The following PTPRZ1 variants were observed in gnomAD, a reference collection of about 807,000 sequenced individuals.
PTPRZ1 encodes protein tyrosine phosphatase receptor type Z1.
PTPRZ1 carries 82 observed loss-of-function variants against 214.1 expected under a neutral mutation model. The observed-to-expected ratio is 0.38, with a 90% CI of 0.32 to 0.46. The LOEUF is 0.46. Among genes scored for constraint, PTPRZ1 ranks in the 20% least tolerant of loss-of-function variants. The probability of loss-of-function intolerance (pLI) is 1.00; values close to 1 mark genes in which losing one functional copy is unlikely to be tolerated. For synonymous variants in PTPRZ1, 945 were observed against 987.9 expected (o/e 0.96, Z 0.81); for missense variants, 2,603 against 2,748.7 (o/e 0.95, Z 1.19).
In PTPRZ1 at chr7:121,919,361, T is replaced by C. The variant is rs143155301; in HGVS notation, c.59-8795T>C. Among the ~76,000 whole-genome samples the C allele has an allele frequency of 1.3e-3, 195 of 152,236 alleles. 7 individuals are homozygous for C. The East Asian group carries it at 0.032, about 25-fold the overall frequency. ...CTTCTGTGCTCATATTTTGCCCTTA[T>C]TGATTTGTGATAATTTTGTATGTGT... is the stretch of plus-strand genomic sequence containing the variant. On this transcript the variant is annotated intron_variant, in intron 1 of 29. Transcript: ENST00000393386.
intron 1 of PTPRZ1, among the ~76,000 whole-genome samples, chr7:121,913,913 A>G (rs1210383652): frequency 1.3e-5 from 2 of 152,174 alleles, no homozygotes; most frequent in Non-Finnish European, 1.5e-5. Context: ...AATTCCCGGG[A>G]AAAAAACTGG....
intron 1 of PTPRZ1, among the ~76,000 whole-genome samples, chr7:121,887,514 T>C (rs1794432714): frequency 6.6e-6 from 1 of 152,124 alleles, no homozygotes; most frequent in Non-Finnish European, 1.5e-5. Context: ...CACATTCTCA[T>C]TTTAACAGGT....
chr7:121,914,214 C>A (rs985769608), intron 1 of PTPRZ1, among the ~76,000 whole-genome samples: 24 of 152,074 alleles, frequency 1.6e-4, no homozygotes, highest in Admixed American at 4.6e-4. Flanking sequence ...GGTTGCTACA[C>A]CTCTGTGAAA....
chr7:122,020,608 T>C (rs1798986527), intron 13 of PTPRZ1, among the ~76,000 whole-genome samples: 1 of 152,186 alleles, frequency 6.6e-6, no homozygotes, highest in Non-Finnish European at 1.5e-5. Flanking sequence ...AATAGTTGCA[T>C]GTAGTTGGAC....
At chr7:121,949,605 T>C (rs989917399) in intron 2 of PTPRZ1, among the ~76,000 whole-genome samples, 3 of 152,158 alleles carry the variant, frequency 2.0e-5, no homozygotes, top group Non-Finnish European at 2.9e-5. Context: ...AGGAGCAGTT[T>C]TGACTGTATC....
At chr7:121,983,446 T>C (rs779329779) in intron 6 of PTPRZ1, among the ~76,000 whole-genome samples, 3 of 152,240 alleles carry the variant, frequency 2.0e-5, no homozygotes, top group Non-Finnish European at 4.4e-5. Context: ...GTTCACCATC[T>C]TGATGTAAAG....
chr7:121,973,480 T>C (rs1393382175), intron 4 of PTPRZ1, among the ~76,000 whole-genome samples: 1 of 152,172 alleles, frequency 6.6e-6, no homozygotes, highest in Non-Finnish European at 1.5e-5. Flanking sequence ...GGTTTGAATC[T>C]TGACTCCACC....
intron 1 of PTPRZ1, among the ~76,000 whole-genome samples, chr7:121,887,071 C>T (rs1794418761): frequency 9.6e-6 from 1 of 103,654 alleles, no homozygotes; most frequent in South Asian, 3.3e-4. Context: ...TGTGCTAACA[C>T]ATCATTGTCC....
At position 122,019,288 on chromosome 7, in the gene PTPRZ1, T is replaced by C. The variant is rs1345467298; in HGVS notation, c.4988+20T>C. 2.5e-6 allele frequency: 4 copies of C among 1,598,280 alleles called. No individual in the cohort carries two copies. The highest frequency in any genetic ancestry group is 4.5e-5 in the East Asian group (2 of 44,526). ...CTGGAGGTAAGTTGAGTATTTGTTT[T>C]GGAAAATTTAATTCATAAAACTCAG... On this transcript the variant is annotated intron_variant, in intron 13 of 29. Transcript: ENST00000393386.
At chr7:122,017,579 T>TTTATTTA (rs1343590297) in intron 12 of PTPRZ1, among the ~76,000 whole-genome samples, 1 of 55,616 alleles carries the variant, frequency 1.8e-5, no homozygotes, top group African/African-American at 1.3e-4. Flanking sequence ...TTATTTATTT[T>TTTATTTA]GAGATAGAGT....
intron 2 of PTPRZ1, 136 bp downstream of exon 2, chr7:121,928,357 G>T: frequency 3.6e-6 from 2 of 559,838 alleles, no homozygotes; most frequent in Non-Finnish European, 6.1e-6. Flanking sequence ...TTAATTAATA[G>T]ATATATAAAA....
In PTPRZ1 at chr7:122,038,864, T is replaced by C; in HGVS notation, c.5477T>C (p.Ile1826Thr). 1 of 1,613,960 alleles carries C rather than the reference T, an allele frequency of 6.2e-7. No homozygotes were observed. The highest frequency in any genetic ancestry group is 8.5e-7 in the Non-Finnish European group (1 of 1,179,884). The change falls in exon 19 of 30, where the codon ATA (isoleucine) becomes ACA (threonine). Residue 1826 changes from isoleucine to threonine, a missense_variant. By Grantham distance (89) the Ile-to-Thr change is moderately conservative (BLOSUM62 -1). Transcript: ENST00000393386. The stretch of plus-strand genomic sequence containing the variant: ...CATAATGTGGAAGTTATTGTCATGA[T>C]AACAAACCTCGTGGAGAAAGGAAGG... ...WEHNVEVIVM[I>T]TNLVEKGRRK...
At chr7:121,888,654 G>T (rs979994102) in intron 1 of PTPRZ1, among the ~76,000 whole-genome samples, 2 of 151,998 alleles carry the variant, frequency 1.3e-5, no homozygotes, top group African/African-American at 2.4e-5. Context: ...TGAATAATAG[G>T]TGATTTAAGA....
chr7:121,945,249 T>A (rs1384803336), intron 2 of PTPRZ1, among the ~76,000 whole-genome samples: 2 of 152,170 alleles, frequency 1.3e-5, no homozygotes, highest in Non-Finnish European at 2.9e-5. Context: ...AGAACAAATA[T>A]CTATAGGTAA....
At position 122,059,810 on chromosome 7, in the gene PTPRZ1, A is replaced by G; in HGVS notation, c.6729A>G (p.Leu2243=). 6.2e-7 allele frequency: 1 copy of G among 1,613,674 alleles called. No individual in the cohort carries two copies. Among genetic ancestry groups the G allele is most frequent in the African/African-American group, 1.3e-5 (1 of 74,980 alleles). Reference sequence around the variant, plus strand: ...CTCTGACAACCCTTATGCACCAACTAGAAAAAGAAAATTCCGTGGATGTTT... The same window carrying G: ...CTCTGACAACCCTTATGCACCAACTGGAAAAAGAAAATTCCGTGGATGTTT... ...FCALTTLMHQ[L]EKENSVDVYQ... Residue 2243 remains leucine, a synonymous_variant, in exon 29 of 30, where the codon CTA becomes CTG. Transcript: ENST00000393386.
Position 121,983,650 on chromosome 7 carries a change from AT to A in PTPRZ1, c.620-13del. The A allele has an allele frequency of 6.2e-7, 1 of 1,604,362 alleles. No homozygotes were observed. On this transcript the variant is annotated splice_polypyrimidine_tract_variant and intron_variant, in intron 6 of 29. Transcript: ENST00000393386. ...TGTTGAGATTCCAGCTGAGATGTAT[AT>A]TATTCCTTTTTAGGGAAGCAGGCTG...
At chr7:121,916,783 A>G (rs755001039) in intron 1 of PTPRZ1, among the ~76,000 whole-genome samples, 2 of 152,180 alleles carry the variant, frequency 1.3e-5, no homozygotes, top group Non-Finnish European at 2.9e-5. Flanking sequence ...ATTGGTCAAG[A>G]TAGGTCACCA....
chr7:121,963,088 A>G (rs1283428935), intron 2 of PTPRZ1, among the ~76,000 whole-genome samples: 1 of 152,214 alleles, frequency 6.6e-6, no homozygotes, highest in African/African-American at 2.4e-5. Flanking sequence ...ATGAAAATTA[A>G]GAAAGCATGT....
intron 12 of PTPRZ1, among the ~76,000 whole-genome samples, chr7:122,018,605 C>G (rs1198983204): frequency 6.6e-6 from 1 of 151,414 alleles, no homozygotes; most frequent in Non-Finnish European, 1.5e-5. Context: ...AAATCGATTA[C>G]TGGATTGAAA....
Sources: gnomAD v4.1 joint callset for allele counts (sites outside exome capture counted in the v4.1 genomes callset) on GRCh38, gnomAD v4.1.1 for gene constraint, MANE v1.5 for transcripts, NCBI Gene and HGNC (gene_info 2026-07-23, HGNC 2026-07-21) for gene names.